Variants in DPP6 observed in about 807,000 individuals in gnomAD.
DPP6 encodes dipeptidyl peptidase like 6, also known as A-type potassium channel modulatory protein DPP6.
Under a neutral mutation model 122.6 loss-of-function variants are expected in DPP6, and 69 were observed. The observed-to-expected ratio is 0.56, with a 90% confidence interval of 0.46 to 0.69. The LOEUF (loss-of-function observed/expected upper bound fraction) is 0.69. DPP6 is among the 30% of genes least tolerant of loss of function. DPP6 has a pLI of 0.00. For synonymous variants in DPP6, 418 were observed against 433.1 expected, an observed-to-expected ratio of 0.97 and a Z score of 0.43; for missense variants, 928 against 1,116.9, an observed-to-expected ratio of 0.83 and a Z score of 2.41.
chr7:154,089,907 C>G (rs1804683898), intron 1 of DPP6, among the ~76,000 whole-genome samples: 1 of 152,230 alleles, frequency 6.6e-6, no homozygotes, highest in South Asian at 2.1e-4. Flanking sequence ...GCATCCTAAG[C>G]CCTGTCTACC....
intron 16 of DPP6, among the ~76,000 whole-genome samples, chr7:154,810,028 G>T (rs1310551859): frequency 6.6e-6 from 1 of 152,186 alleles, no homozygotes; most frequent in African/African-American, 2.4e-5. Context: ...CATAATTTTT[G>T]TATTTTTAGT....
chr7:154,857,916 A>G (rs1802977096), intron 17 of DPP6, among the ~76,000 whole-genome samples: 1 of 152,212 alleles, frequency 6.6e-6, no homozygotes, highest in South Asian at 2.1e-4. Context: ...TCCAGGAGCA[A>G]CACAAAGGCA....
chr7:154,688,428 A>AT (rs1249343863), intron 7 of DPP6, among the ~76,000 whole-genome samples: 2 of 152,158 alleles, frequency 1.3e-5, no homozygotes, highest in Non-Finnish European at 2.9e-5. Flanking sequence ...TTCTTTGGAT[A>AT]TTTTTGGTAC....
intron 1 of DPP6, among the ~76,000 whole-genome samples, chr7:154,426,144 C>T (rs796081853): frequency 6.6e-5 from 10 of 152,282 alleles, no homozygotes; most frequent in African/African-American, 2.4e-4. Flanking sequence ...GCCAACACAG[C>T]CGCTGCAGTT....
chr7:154,123,146 C>T (rs1162799870), intron 1 of DPP6, among the ~76,000 whole-genome samples: 1 of 152,204 alleles, frequency 6.6e-6, no homozygotes, highest in Non-Finnish European at 1.5e-5. Flanking sequence ...AGAATATGAA[C>T]TCCCGCAGAC....
chr7:154,616,537 C>T (rs566107271), intron 5 of DPP6, among the ~76,000 whole-genome samples: 1 of 152,220 alleles, frequency 6.6e-6, no homozygotes, highest in African/African-American at 2.4e-5. Flanking sequence ...GGCTGGGAGG[C>T]TATGGGAGAC....
At chr7:153,974,482 C>G (rs1796196106) in intron 1 of DPP6, among the ~76,000 whole-genome samples, 1 of 152,072 alleles carries the variant, frequency 6.6e-6, no homozygotes, top group African/African-American at 2.4e-5. Flanking sequence ...CAGTCCCTTT[C>G]CTGATTCCGA....
chr7:154,153,796 C>T (rs1337083945), intron 1 of DPP6, among the ~76,000 whole-genome samples: 1 of 152,188 alleles, frequency 6.6e-6, no homozygotes, highest in Non-Finnish European at 1.5e-5. Flanking sequence ...GACTGTGTAC[C>T]AATAAAACTT....
At chr7:153,915,061 T>G (rs1800249089) in intron 1 of DPP6, among the ~76,000 whole-genome samples, 1 of 152,240 alleles carries the variant, frequency 6.6e-6, no homozygotes, top group Admixed American at 6.5e-5. Flanking sequence ...GCTGTACGTG[T>G]GATTTCTCTT....
intron 1 of DPP6, among the ~76,000 whole-genome samples, chr7:154,214,903 G>A (rs1799918328): frequency 6.6e-6 from 1 of 152,182 alleles, no homozygotes; most frequent in South Asian, 2.1e-4. Flanking sequence ...GGGTGACACA[G>A]TGGGATCCAG....
At chr7:154,498,401 T>C (rs1286039693) in intron 3 of DPP6, among the ~76,000 whole-genome samples, 1 of 152,182 alleles carries the variant, frequency 6.6e-6, no homozygotes, top group Admixed American at 6.5e-5. Context: ...CGCAGTGGCA[T>C]GATCTCGGGT....
intron 3 of DPP6, among the ~76,000 whole-genome samples, chr7:154,508,583 G>T (rs566577443): frequency 2.6e-5 from 4 of 152,288 alleles, no homozygotes; most frequent in Middle Eastern, 3.4e-3. Flanking sequence ...GAGAGCAGGG[G>T]AAATGTAGCC....
intron 7 of DPP6, among the ~76,000 whole-genome samples, chr7:154,697,413 C>T (rs141663801): frequency 6.4e-4 from 97 of 152,376 alleles, no homozygotes; most frequent in African/African-American, 2.1e-3. Context: ...AAGACCCCTG[C>T]AGCACCCTGT....
the DPP6 span, among the ~76,000 whole-genome samples, chr7:153,748,422 G>A: frequency 3.6e-5 from 2 of 55,072 alleles, no homozygotes; most frequent in Non-Finnish European, 7.2e-5. Flanking sequence ...TGAGGGTGAG[G>A]GGGGTGTGGA....
intron 1 of DPP6, among the ~76,000 whole-genome samples, chr7:154,384,297 G>A (rs374086935): frequency 6.6e-6 from 1 of 152,174 alleles, no homozygotes; most frequent in African/African-American, 2.4e-5. Context: ...AATCAGGAAA[G>A]GACAAGTCAA....
chr7:154,111,620 CGTGTGTGTGTGTGTGTGTGTGTGTGTGT>C (rs71309604), intron 1 of DPP6, among the ~76,000 whole-genome samples: 2 of 134,912 alleles, frequency 1.5e-5, no homozygotes, highest in African/African-American at 5.5e-5. Context: ...GGCAGGGTTT[CGTGTGTGTGTGTGTGTGTGTGTGTGTGT>C]GTGTGTGTGT....
chr7:154,677,143 T>C (rs1223647091), intron 7 of DPP6, among the ~76,000 whole-genome samples: 1 of 152,240 alleles, frequency 6.6e-6, no homozygotes, highest in Admixed American at 6.5e-5. Flanking sequence ...TTACTATTAC[T>C]ACTTATGCTA....
the DPP6 span, among the ~76,000 whole-genome samples, chr7:153,830,940 C>T: frequency 6.6e-6 from 1 of 152,170 alleles, no homozygotes; most frequent in Non-Finnish European, 1.5e-5. Flanking sequence ...ATTCACTTAG[C>T]GTCCATACAT....
chr7:154,716,866 C>T (rs1432621995), intron 7 of DPP6, among the ~76,000 whole-genome samples: 10 of 152,146 alleles, frequency 6.6e-5, no homozygotes, highest in African/African-American at 2.4e-4. Context: ...CACAGTCTTG[C>T]TCTGTTGCCC....
Sources: allele counts gnomAD v4.1 joint callset (sites outside exome capture counted in the v4.1 genomes callset), GRCh38; gene constraint gnomAD v4.1.1; transcripts MANE v1.5; gene names NCBI Gene and HGNC (gene_info 2026-07-23, HGNC 2026-07-21).